Variants in LMNTD1 observed in about 807,000 individuals in gnomAD.
LMNTD1 encodes lamin tail domain containing 1.
LMNTD1 carries 35 observed loss-of-function variants against 50.9 expected under a neutral mutation model. The ratio of observed to expected loss-of-function variants is 0.69; its 90% CI spans 0.53 to 0.91. LMNTD1 has a LOEUF of 0.91. Among genes scored for constraint, LMNTD1 ranks in the 40% least tolerant of loss-of-function variants. The probability of loss-of-function intolerance (pLI) is 0.00; values close to 1 mark genes in which losing one functional copy is unlikely to be tolerated. For synonymous variants in LMNTD1, 153 were observed against 161.9 expected, an observed-to-expected ratio of 0.94 and a Z score of 0.42; for missense variants, 470 against 475.5, an observed-to-expected ratio of 0.99 and a Z score of 0.11.
intron 1 of LMNTD1, among the ~76,000 whole-genome samples, chr12:25,577,137 C>T (rs1214236973): frequency 6.6e-6 from 1 of 152,158 alleles, no homozygotes; most frequent in Non-Finnish European, 1.5e-5. Context: ...ATGCTGCCAG[C>T]TTTGTTCTTT....
rs146709810 is a variant in LMNTD1, at chr12:25,611,720, T to C, written c.58+36774A>G. Among the ~76,000 whole-genome samples the C allele has an allele frequency of 3.9e-3, 597 of 152,354 alleles. 13 individuals carry two copies. The highest frequency in any genetic ancestry group is 0.014 in the African/African-American group (581 of 41,586). ...ACACAGTCATAGCCATGAGTACTGC[T>C]AAAATATTTATTTGATTTTATTTTT... is the stretch of plus-strand genomic sequence containing the variant. On this transcript the variant is annotated intron_variant, in intron 1 of 7. Coordinates refer to the LMNTD1 transcript ENST00000445693.
chr12:25,568,314 C>T (rs1241735770), intron 1 of LMNTD1, among the ~76,000 whole-genome samples: 2 of 152,236 alleles, frequency 1.3e-5, no homozygotes, highest in Middle Eastern at 3.2e-3. Flanking sequence ...CTGCTTCTAA[C>T]ATCCTACTTT....
At chr12:25,508,959 T>C (rs990253963) in intron 8 of LMNTD1, among the ~76,000 whole-genome samples, 7 of 152,226 alleles carry the variant, frequency 4.6e-5, no homozygotes, top group Non-Finnish European at 1.0e-4. Flanking sequence ...GAGGTGATTA[T>C]ATAATTTTCC....
intron 1 of LMNTD1, among the ~76,000 whole-genome samples, chr12:25,621,826 G>T (rs928933733): frequency 6.6e-6 from 1 of 152,216 alleles, no homozygotes; most frequent in Non-Finnish European, 1.5e-5. Context: ...ACAAGGAAGA[G>T]AAGTGGGCCG....
chr12:25,561,270 G>C lies in LMNTD1; in HGVS notation c.59-14716C>G, dbSNP rs191383109. On this transcript the variant is annotated intron_variant, in intron 1 of 7. Transcript: ENST00000445693. ...TTTTAGGTCTTTCCTGCTTTCTCTT[G>C]TGGGCATTTAGTGCTATAAATTTCC... Among the ~76,000 whole-genome samples, 7 of 152,224 alleles carry C rather than the reference G, an allele frequency of 4.6e-5. No homozygotes were observed. The East Asian group carries it at 1.4e-3, about 29-fold the overall frequency.
chr12:25,503,417 CAG>C (rs1328375062), intron 9 of LMNTD1, among the ~76,000 whole-genome samples: 4 of 152,094 alleles, frequency 2.6e-5, no homozygotes, highest in Non-Finnish European at 5.9e-5. Flanking sequence ...GGTGTAGTTG[CAG>C]AGTTGTTTTT....
upstream of LMNTD1, among the ~76,000 whole-genome samples, chr12:25,554,220 G>T (rs1056803801): frequency 6.6e-6 from 1 of 152,168 alleles, no homozygotes; most frequent in African/African-American, 2.4e-5. Flanking sequence ...AAATGGGCTT[G>T]TCATTTCTTG....
intron 1 of LMNTD1, among the ~76,000 whole-genome samples, chr12:25,611,743 T>G (rs4143082): frequency 0.32 from 48,546 of 152,150 alleles, 8,790 homozygotes; most frequent in East Asian, 0.8. Context: ...TGATTTTATT[T>G]TTCCAGTCAA....
chr12:25,582,530 G>T (rs1392068457), intron 1 of LMNTD1: 2 of 152,172 alleles, frequency 1.3e-5, no homozygotes, highest in Non-Finnish European at 2.9e-5. Flanking sequence ...AGACCTCAAA[G>T]TGCGGAAACA....
chr12:25,637,730 C>T (rs553155548), intron 1 of LMNTD1, among the ~76,000 whole-genome samples: 2 of 152,032 alleles, frequency 1.3e-5, no homozygotes, highest in South Asian at 4.1e-4. Flanking sequence ...TCCAATTCAA[C>T]AATAAAAAGA....
chr12:25,635,253 A>G (rs866107971), intron 1 of LMNTD1, among the ~76,000 whole-genome samples: 265 of 33,508 alleles, frequency 7.9e-3, no homozygotes, highest in Middle Eastern at 0.023. Context: ...AAAAAAAAAG[A>G]AAAAAAAAAA....
intron 1 of LMNTD1, among the ~76,000 whole-genome samples, chr12:25,642,954 G>A (rs1046137133): frequency 2.6e-5 from 4 of 152,070 alleles, no homozygotes; most frequent in Admixed American, 1.3e-4. Flanking sequence ...ATATATTTTC[G>A]ATATTAGAGG....
At chr12:25,580,199 A>C (rs1945221614) in intron 1 of LMNTD1, among the ~76,000 whole-genome samples, 1 of 152,162 alleles carries the variant, frequency 6.6e-6, no homozygotes, top group South Asian at 2.1e-4. Flanking sequence ...GGTTCAGATC[A>C]TGCATCATCT....
chr12:25,495,129 T>C (rs538354668), intron 9 of LMNTD1, among the ~76,000 whole-genome samples: 1 of 152,286 alleles, frequency 6.6e-6, no homozygotes, highest in Non-Finnish European at 1.5e-5. Context: ...GATACTTATC[T>C]GAGAATTTGG....
intron 9 of LMNTD1, among the ~76,000 whole-genome samples, chr12:25,481,407 T>G (rs1171856627): frequency 6.6e-6 from 1 of 152,064 alleles, no homozygotes; most frequent in African/African-American, 2.4e-5. Flanking sequence ...ACAGAGAACA[T>G]AGCAGGCAAG....
intron 9 of LMNTD1, among the ~76,000 whole-genome samples, chr12:25,483,312 T>G (rs1938505369): frequency 6.6e-6 from 1 of 151,738 alleles, no homozygotes; most frequent in African/African-American, 2.4e-5. Context: ...TAGTCCCAGC[T>G]ACTCGGGAGG....
In LMNTD1 at chr12:25,546,529, C is replaced by A; in HGVS notation, c.336G>T (p.Lys112Asn). Reference protein sequence around the residue: ...SLDASPFSVPKKQDESPMIGD... With the variant: ...SLDASPFSVPNKQDESPMIGD... ...CAATCATGGGTGATTCATCCTGTTT[C>A]TTCGGAACTGAGAAGGGGCTGGCAT... Residue 112 changes from lysine to asparagine, a missense_variant, in exon 4 of 10, where the codon AAG becomes AAT. By Grantham distance (94) the Lys-to-Asn change is moderately conservative. Transcript: ENST00000458174. 1 of 1,564,634 alleles carries A rather than the reference C, an allele frequency of 6.4e-7. No homozygotes were observed. The highest frequency in any genetic ancestry group is 8.7e-7 in the Non-Finnish European group (1 of 1,153,082).
In LMNTD1 at chr12:25,640,684, G is replaced by A. The variant is rs1298578075; in HGVS notation, c.58+7810C>T. 2.7e-5 allele frequency among the ~76,000 whole-genome samples: 4 copies of A among 149,992 alleles called. No homozygotes were observed. In the East Asian group the frequency reaches 5.9e-4, roughly 22 times the overall value. On this transcript the variant is annotated intron_variant, in intron 1 of 7. Transcript: ENST00000445693. The stretch of plus-strand genomic sequence containing the variant: ...AGGTTTTTTGTTTTTTTTTTGAGAC[G>A]GAGTCTCGCTCTGTCGCCCAGGCCC...
At chr12:25,503,642 A>G in intron 9 of LMNTD1, 96 bp downstream of exon 9, 3 of 708,178 alleles carry the variant, frequency 4.2e-6, no homozygotes, top group Admixed American at 2.5e-5. Context: ...TATAAGGACA[A>G]CCCATGTTCT....
Sources: gnomAD v4.1 joint callset for allele counts (sites outside exome capture counted in the v4.1 genomes callset) on GRCh38, gnomAD v4.1.1 for gene constraint, MANE v1.5 for transcripts, NCBI Gene and HGNC (gene_info 2026-07-23, HGNC 2026-07-21) for gene names.